ZNF469: variants seen among roughly 807,000 people sequenced by gnomAD.
ZNF469 encodes the protein zinc finger protein 469.
In ZNF469, 1 loss-of-function variant was observed where a neutral mutation model predicts 1.0. The ratio of observed to expected loss-of-function variants is 1.00; its 90% CI spans 0.35 to 4.73. ZNF469 has a LOEUF of 4.73. Ranked by LOEUF, ZNF469 falls within the 30% of genes most tolerant of loss-of-function variation. The probability of loss-of-function intolerance (pLI) is 0.16; values close to 1 mark genes in which losing one functional copy is unlikely to be tolerated. For synonymous variants in ZNF469, 2,703 were observed against 2,363.4 expected (o/e 1.14, Z -4.17); for missense variants, 6,100 against 5,356.3 (o/e 1.14, Z -4.33).
chr16:88,380,288 C>T (rs1436480278), upstream of ZNF469, among the ~76,000 whole-genome samples: 5 of 142,666 alleles, frequency 3.5e-5, no homozygotes, highest in Admixed American at 2.7e-4. Flanking sequence ...GACATGCACA[C>T]ACACACACGC....
At chr16:88,256,904 T>TCTCTCTCTCTCTCTCTCTCTCTCTCTC in the ZNF469 span, among the ~76,000 whole-genome samples, 1 of 15,840 alleles carries the variant, frequency 6.3e-5, no homozygotes. Context: ...CCTTCTTTCT[T>TCTCTCTCTCTCTCTCTCTCTCTCTCTC]TCTTTCTTTC....
intron 1 of ZNF469, among the ~76,000 whole-genome samples, chr16:88,399,283 G>A (rs909042324): frequency 1.3e-5 from 2 of 152,230 alleles, no homozygotes; most frequent in African/African-American, 2.4e-5. Flanking sequence ...GACATCTGCC[G>A]CATCCCAATG....
the ZNF469 span, among the ~76,000 whole-genome samples, chr16:88,238,655 C>T: frequency 6.6e-6 from 1 of 152,210 alleles, no homozygotes; most frequent in Admixed American, 6.5e-5. Context: ...TGAGAACATT[C>T]AGGACCAGAA....
At chr16:88,143,158 G>A in the ZNF469 span, among the ~76,000 whole-genome samples, 1 of 152,284 alleles carries the variant, frequency 6.6e-6, no homozygotes, top group Non-Finnish European at 1.5e-5. Flanking sequence ...CAGCGGCCCT[G>A]CCCACGGAAT....
At chr16:88,238,515 T>C in the ZNF469 span, among the ~76,000 whole-genome samples, 1 of 152,188 alleles carries the variant, frequency 6.6e-6, no homozygotes, top group South Asian at 2.1e-4. Flanking sequence ...AGACCCGAGG[T>C]AGACTGCCTG....
chr16:88,179,300 C>G, the ZNF469 span, among the ~76,000 whole-genome samples: 1 of 152,210 alleles, frequency 6.6e-6, no homozygotes, highest in African/African-American at 2.4e-5. Flanking sequence ...TGAACGAGCC[C>G]TTGCTCAATT....
the ZNF469 span, among the ~76,000 whole-genome samples, chr16:88,259,021 C>G: frequency 6.6e-6 from 1 of 152,240 alleles, no homozygotes; most frequent in Admixed American, 6.5e-5. This position sits in a 1 kb window ranked among gnomAD's most constrained non-coding sequence, Gnocchi z 4.1. Context: ...TCAGGGGTGA[C>G]TGAGCACGCC....
the ZNF469 span, among the ~76,000 whole-genome samples, chr16:88,229,735 A>T: frequency 6.6e-6 from 1 of 152,194 alleles, no homozygotes; most frequent in Non-Finnish European, 1.5e-5. Flanking sequence ...TGTGGATGTC[A>T]TGCAGGACCG....
chr16:88,304,152 G>A, the ZNF469 span, among the ~76,000 whole-genome samples: 1 of 152,154 alleles, frequency 6.6e-6, no homozygotes, highest in Non-Finnish European at 1.5e-5. Context: ...GACCCCTCTG[G>A]AAAACTCATC....
rs1361969617 is a variant in ZNF469 at position 88,424,272 on chromosome 16, GA to G, written c.-191-528del. Among the ~76,000 whole-genome samples, 2 of 152,134 alleles carry G rather than the reference GA, an allele frequency of 1.3e-5. No individual in the cohort carries two copies. The highest frequency in any genetic ancestry group is 2.9e-5 in the Non-Finnish European group (2 of 68,016). On this transcript the variant is annotated intron_variant, in intron 1 of 2. Transcript: ENST00000565624. The surrounding 1 kb of genome is among the most constrained non-coding windows in gnomAD (Gnocchi z 4.3). ...TTATCTACAGGATATGTTGTTACAT[GA>G]AAAAAAGGTCAGGTGCAGAACAGTG...
chr16:88,103,479 G>T, the ZNF469 span, among the ~76,000 whole-genome samples: 1 of 152,238 alleles, frequency 6.6e-6, no homozygotes, highest in African/African-American at 2.4e-5. Flanking sequence ...TGAAGACCCG[G>T]TGCTGGGGCT....
the ZNF469 span, among the ~76,000 whole-genome samples, chr16:88,202,916 G>A: frequency 6.6e-6 from 1 of 152,168 alleles, no homozygotes; most frequent in African/African-American, 2.4e-5. Flanking sequence ...TGAGGGAAGG[G>A]CCCTGAGCCG....
Position 88,438,494 on chromosome 16 carries a change from G to A in ZNF469, c.11024G>A (p.Gly3675Asp). ...FHKGSATKPA[G>D]CQSSSKDRSA... ...AAGGGCAGCGCCACCAAGCCTGCGG[G>A]CTGCCAGAGCTCATCAAAGGACAGG... Residue 3675 changes from glycine (G) to aspartate (D), a missense_variant, in exon 3 of 3, where the codon GGC (glycine) becomes GAC (aspartate). Transcript: ENST00000565624. 6.5e-7 allele frequency: 1 copy of A among 1,550,106 alleles called. No homozygotes were observed. Among genetic ancestry groups the A allele is most frequent in the Non-Finnish European group, 8.7e-7 (1 of 1,146,934 alleles).
At chr16:88,268,815 T>A in the ZNF469 span, among the ~76,000 whole-genome samples, 1 of 152,214 alleles carries the variant, frequency 6.6e-6, no homozygotes, top group African/African-American at 2.4e-5. Flanking sequence ...GTACATCGAA[T>A]GTTTTCTGTG....
chr16:88,102,070 C>T, the ZNF469 span, among the ~76,000 whole-genome samples: 60 of 141,440 alleles, frequency 4.2e-4, no homozygotes, highest in East Asian at 0.011. Flanking sequence ...CACCCCCGCC[C>T]CCCGCCCAGT....
the ZNF469 span, among the ~76,000 whole-genome samples, chr16:88,365,696 T>G: frequency 6.6e-6 from 1 of 152,192 alleles, no homozygotes; most frequent in Non-Finnish European, 1.5e-5. Flanking sequence ...GCGGGTCCAC[T>G]CCATGGTGCT....
At chr16:88,235,949 G>A in the ZNF469 span, among the ~76,000 whole-genome samples, 1 of 152,212 alleles carries the variant, frequency 6.6e-6, no homozygotes, top group South Asian at 2.1e-4. Context: ...GTGAGGAGGG[G>A]CTTCCTGGTC....
chr16:88,211,738 C>T, the ZNF469 span, among the ~76,000 whole-genome samples: 1 of 152,164 alleles, frequency 6.6e-6, no homozygotes, highest in Non-Finnish European at 1.5e-5. Flanking sequence ...AACCGTCCAG[C>T]TGCTGTGATC....
chr16:88,154,025 C>G, the ZNF469 span, among the ~76,000 whole-genome samples: 1 of 152,236 alleles, frequency 6.6e-6, no homozygotes, highest in East Asian at 1.9e-4. Context: ...TTTGGGGACA[C>G]AGCTCAATCC....
Sources: allele counts gnomAD v4.1 joint callset (sites outside exome capture counted in the v4.1 genomes callset), GRCh38; gene constraint gnomAD v4.1.1; non-coding constraint Gnocchi (gnomAD v3.1); transcripts MANE v1.5; gene names NCBI Gene and HGNC (gene_info 2026-07-23, HGNC 2026-07-21).